SGIP1: variants seen among roughly 807,000 people sequenced by gnomAD.
SGIP1 encodes SH3GL interacting endocytic adaptor 1, also known as SH3-containing GRB2-like protein 3-interacting protein 1.
In SGIP1, 38 loss-of-function variants were observed where a neutral mutation model predicts 107.5. The observed-to-expected ratio is 0.35, with a 90% CI of 0.27 to 0.46. The LOEUF is 0.46. Among genes scored for constraint, SGIP1 ranks in the 20% least tolerant of loss-of-function variants. The probability of loss-of-function intolerance (pLI) is 1.00; values close to 1 mark genes in which losing one functional copy is unlikely to be tolerated. For synonymous variants in SGIP1, 365 were observed against 366.1 expected (o/e 1.00, Z 0.03); for missense variants, 929 against 1,019.5 (o/e 0.91, Z 1.21).
At chr1:66,721,487 C>A (rs1466098828) in intron 19 of SGIP1, among the ~76,000 whole-genome samples, 1 of 152,200 alleles carries the variant, frequency 6.6e-6, no homozygotes, top group Admixed American at 6.5e-5. Context: ...CAGCTCACTG[C>A]AGCCTCAACC....
intron 1 of SGIP1, among the ~76,000 whole-genome samples, chr1:66,582,821 T>A (rs904634307): frequency 1.3e-5 from 2 of 151,882 alleles, no homozygotes; most frequent in African/African-American, 4.8e-5. Context: ...TAGGATTTTG[T>A]TAAGATAAAT....
At chr1:66,740,289 A>C (rs1243001989) in intron 22 of SGIP1, among the ~76,000 whole-genome samples, 1 of 152,186 alleles carries the variant, frequency 6.6e-6, no homozygotes, top group Non-Finnish European at 1.5e-5. Flanking sequence ...CAGAAGCAAA[A>C]AGTGGAATTT....
At position 66,677,067 on chromosome 1, in the gene SGIP1, C is replaced by T. The variant is rs1033012457; in HGVS notation, c.710C>T (p.Pro237Leu). ...GQPINPSMES[P>L]KLTRPFPTGT... Reference sequence around the variant, plus strand: ...CCAATTAATCCAAGCATGGAGTCGCCAAAGTTAACAAGGCCTTTTCCCACT... The same window carrying T: ...CCAATTAATCCAAGCATGGAGTCGCTAAAGTTAACAAGGCCTTTTCCCACT... The change falls in exon 13 of 25, where the codon CCA becomes CTA. Residue 237 changes from proline to leucine, a missense_variant. Around this residue, in one of 2 missense-constraint regions of SGIP1, gnomAD observed 588 missense variants for 588.6 expected, o/e 1.00. Transcript: ENST00000371037. 10 of 1,613,710 alleles carry T rather than the reference C, an allele frequency of 6.2e-6. No homozygotes were observed. In the Admixed American group the frequency reaches 1.0e-4, roughly 16 times the overall value.
intron 1 of SGIP1, among the ~76,000 whole-genome samples, chr1:66,624,943 C>G (rs979769319): frequency 5.3e-5 from 8 of 152,116 alleles, no homozygotes; most frequent in African/African-American, 1.9e-4. Context: ...AAGAAAAGGG[C>G]TTTCTTAGCC....
chr1:66,638,567 G>C (rs1042724143), intron 4 of SGIP1, among the ~76,000 whole-genome samples: 1 of 152,186 alleles, frequency 6.6e-6, no homozygotes, highest in East Asian at 1.9e-4. Flanking sequence ...TTCTAGTGCA[G>C]TGGTAGTATA....
At chr1:66,681,743 C>T (rs773197498) in intron 14 of SGIP1, 126 bp from the exon 15 acceptor site, 7 of 889,186 alleles carry the variant, frequency 7.9e-6, no homozygotes, top group Non-Finnish European at 1.2e-5. Context: ...GATATTTTTA[C>T]ATCATGAAGT....
In SGIP1 at chr1:66,642,812, C is replaced by T; in HGVS notation, c.231C>T (p.Asn77=). The change falls in exon 6 of 25, where the codon AAC becomes AAT. Residue 77 remains asparagine, a splice_region_variant and synonymous_variant. Coordinates refer to ENST00000371037, the MANE Select transcript of SGIP1 (RefSeq NM_032291.4). ...TCATGTGCACTTGTGTTTTATAGAA[C>T]TCACCTGAGCTGGATGAAGAAGGCT... ...FYAEIDWERY[N]SPELDEEGYS... 1 of 1,609,820 alleles carries T rather than the reference C, an allele frequency of 6.2e-7. No individual in the cohort carries two copies. Among genetic ancestry groups the T allele is most frequent in the Non-Finnish European group, 8.5e-7 (1 of 1,178,138 alleles).
At chr1:66,700,241 C>T (rs1272737242) in intron 18 of SGIP1, among the ~76,000 whole-genome samples, 4 of 152,008 alleles carry the variant, frequency 2.6e-5, no homozygotes, top group African/African-American at 4.8e-5. Flanking sequence ...CATGGTGGCA[C>T]GTGCCTGTAA....
At chr1:66,742,400 A>G (rs928737414) in intron 24 of SGIP1, among the ~76,000 whole-genome samples, 1 of 146,932 alleles carries the variant, frequency 6.8e-6, no homozygotes, top group African/African-American at 2.5e-5. Context: ...ATTATTAATT[A>G]TACCCTTTTC....
intron 1 of SGIP1, among the ~76,000 whole-genome samples, chr1:66,596,220 C>A (rs2064649095): frequency 6.6e-6 from 1 of 152,108 alleles, no homozygotes; most frequent in Non-Finnish European, 1.5e-5. Flanking sequence ...AGCTCTTGTA[C>A]CACGCCCAAG....
intron 1 of SGIP1, among the ~76,000 whole-genome samples, chr1:66,537,486 G>A (rs2053895047): frequency 6.6e-6 from 1 of 152,122 alleles, no homozygotes; most frequent in Admixed American, 6.5e-5. Context: ...AACTAAGTCA[G>A]AGTTTCTTGG....
In SGIP1 at chr1:66,750,307, G is replaced by C. The variant is rs528881774; in HGVS notation, c.*7212G>C. Among the ~76,000 whole-genome samples, 1 of 151,876 alleles carries C rather than the reference G, an allele frequency of 6.6e-6. No homozygotes were observed. The highest frequency in any genetic ancestry group is 1.5e-5 in the Non-Finnish European group (1 of 67,964). The stretch of plus-strand genomic sequence containing the variant: ...AAAAGATCATATGAATTAAATACTC[G>C]GATATTAATTTTCATTCTTACTAAG... On this transcript the variant is annotated 3_prime_UTR_variant, in exon 25 of 25. Transcript: ENST00000371037.
chr1:66,582,633 A>C (rs1180064973), intron 1 of SGIP1, among the ~76,000 whole-genome samples: 1 of 152,062 alleles, frequency 6.6e-6, no homozygotes, highest in Non-Finnish European at 1.5e-5. Context: ...AGTGCATGAA[A>C]TAAACATCAT....
chr1:66,594,038 A>AGTGTG (rs1418764364), intron 1 of SGIP1, among the ~76,000 whole-genome samples: 1 of 152,178 alleles, frequency 6.6e-6, no homozygotes, highest in Non-Finnish European at 1.5e-5. Flanking sequence ...CAATAACAAG[A>AGTGTG]GTGTGTTTTT....
chr1:66,630,812 A>AAAGAAAGAAAGAAAGG (rs2074131484), intron 2 of SGIP1, among the ~76,000 whole-genome samples: 1 of 5,314 alleles, frequency 1.9e-4, no homozygotes, highest in Non-Finnish European at 2.9e-4. Flanking sequence ...GGAAAGAAAG[A>AAAGAAAGAAAGAAAGG]AAGAAAGAAA....
At chr1:66,556,530 C>CGGAA (rs1224642320) in intron 1 of SGIP1, among the ~76,000 whole-genome samples, 1 of 152,050 alleles carries the variant, frequency 6.6e-6, no homozygotes, top group Non-Finnish European at 1.5e-5. Context: ...GACTTGCTTC[C>CGGAA]AGGCTTGCAA....
At chr1:66,693,284 A>AAATAAATAAATAAATAAATAAATG (rs1479297873) in intron 17 of SGIP1, among the ~76,000 whole-genome samples, 3 of 151,286 alleles carry the variant, frequency 2.0e-5, no homozygotes, top group African/African-American at 7.3e-5. Flanking sequence ...ATAAATAAAT[A>AAATAAATAAATAAATAAATAAATG]AAAAACAGTA....
At chr1:66,591,643 C>T (rs1422820803) in intron 1 of SGIP1, among the ~76,000 whole-genome samples, 3 of 152,144 alleles carry the variant, frequency 2.0e-5, no homozygotes. Flanking sequence ...AGAAATAAGA[C>T]ACAGAGACAA....
intron 1 of SGIP1, among the ~76,000 whole-genome samples, chr1:66,600,351 C>T (rs1266655080): frequency 8.9e-6 from 1 of 112,430 alleles, no homozygotes; most frequent in East Asian, 5.1e-4. Context: ...CAAAGGGGAA[C>T]TAGCACAGAG....
Sources: allele counts gnomAD v4.1 joint callset (sites outside exome capture counted in the v4.1 genomes callset), GRCh38; gene constraint gnomAD v4.1.1; regional missense constraint gnomAD v4.1.1; transcripts MANE v1.5; gene names NCBI Gene and HGNC (gene_info 2026-07-23, HGNC 2026-07-21).